The following CPNE8 variants were observed in gnomAD, a reference collection of about 807,000 sequenced individuals.
CPNE8 encodes copine 8, also known as copine-8.
CPNE8 carries 45 observed loss-of-function variants against 81.5 expected under a neutral mutation model. The ratio of observed to expected loss-of-function variants is 0.55; its 90% confidence interval spans 0.44 to 0.71. The LOEUF is 0.71. Ranked by LOEUF, CPNE8 falls within the 30% of genes least tolerant of loss-of-function variation. The probability of loss-of-function intolerance (pLI) is 0.00; values close to 1 mark genes in which losing one functional copy is unlikely to be tolerated. For synonymous variants in CPNE8, 252 were observed against 226.3 expected (o/e 1.11, Z -1.02); for missense variants, 594 against 672.1 (o/e 0.88, Z 1.28).
chr12:38,690,023 G>A (rs1252986781), intron 15 of CPNE8, among the ~76,000 whole-genome samples: 6 of 152,112 alleles, frequency 3.9e-5, no homozygotes, highest in Non-Finnish European at 5.9e-5. Flanking sequence ...CTTTTCAAAC[G>A]AGCAAAGCTT....
At chr12:38,864,481 A>G (rs1943887759) in intron 3 of CPNE8, among the ~76,000 whole-genome samples, 1 of 152,124 alleles carries the variant, frequency 6.6e-6, no homozygotes, top group Non-Finnish European at 1.5e-5. Context: ...AAAAAAAACT[A>G]CAAAGCTCAT....
intron 6 of CPNE8, among the ~76,000 whole-genome samples, chr12:38,800,505 G>A (rs1267486538): frequency 3.7e-5 from 1 of 26,696 alleles, no homozygotes; most frequent in Non-Finnish European, 1.3e-4. Context: ...AAACCCATCT[G>A]TACATCACCA....
intron 8 of CPNE8, among the ~76,000 whole-genome samples, chr12:38,766,843 CTT>C (rs1941701784): frequency 2.6e-5 from 4 of 152,086 alleles, no homozygotes; most frequent in East Asian, 3.9e-4. Context: ...GTTGGACAAA[CTT>C]AGTAATTTTT....
At chr12:38,904,221 G>A (rs1944529845) in intron 1 of CPNE8, among the ~76,000 whole-genome samples, 1 of 152,132 alleles carries the variant, frequency 6.6e-6, no homozygotes, top group Admixed American at 6.5e-5. Flanking sequence ...GGCAAAAATG[G>A]ATAAATGAGG....
At chr12:38,730,614 G>C (rs1273263977) in intron 10 of CPNE8, among the ~76,000 whole-genome samples, 6 of 151,256 alleles carry the variant, frequency 4.0e-5, no homozygotes, top group African/African-American at 1.2e-4. Flanking sequence ...TTTCAAACAG[G>C]TATACTAGTT....
Position 38,724,516 on chromosome 12 carries a change from C to T in CPNE8, c.852+330G>A, listed in dbSNP as rs187965408. Among the ~76,000 whole-genome samples, 221 of 152,236 alleles carry T rather than the reference C, an allele frequency of 1.5e-3. 1 individual carries two copies. The highest frequency in any genetic ancestry group is 5.1e-3 in the African/African-American group (210 of 41,564). On this transcript the variant is annotated intron_variant, in intron 12 of 19. Transcript: ENST00000331366. ...CCTATAAAGAGTATAGTATTTCTTA[C>T]TACCACTTGTGTTTTTTACATCTGC...
intron 14 of CPNE8, among the ~76,000 whole-genome samples, chr12:38,702,206 C>T (rs1338653502): frequency 2.0e-5 from 3 of 152,074 alleles, no homozygotes; most frequent in Admixed American, 6.5e-5. Context: ...ATGAAGTTAA[C>T]ATTCTGATGA....
At chr12:38,855,431 A>C (rs1943714948) in intron 3 of CPNE8, among the ~76,000 whole-genome samples, 2 of 152,152 alleles carry the variant, frequency 1.3e-5, no homozygotes, top group African/African-American at 4.8e-5. Context: ...CTTGACAAAA[A>C]AGAACAAAGC....
chr12:38,656,436 A>G (rs972299398), intron 19 of CPNE8, among the ~76,000 whole-genome samples: 2 of 151,086 alleles, frequency 1.3e-5, no homozygotes, highest in Admixed American at 1.3e-4. Context: ...TGGAAAGGGG[A>G]GATCTCCCCT....
At chr12:38,765,945 G>A (rs1241273286) in intron 8 of CPNE8, among the ~76,000 whole-genome samples, 5 of 151,228 alleles carry the variant, frequency 3.3e-5, no homozygotes, top group Middle Eastern at 3.4e-3. Flanking sequence ...TGCAACCTCC[G>A]CCTCCCAGGT....
intron 5 of CPNE8, among the ~76,000 whole-genome samples, chr12:38,830,232 A>G (rs1943262820): frequency 6.6e-6 from 1 of 152,286 alleles, no homozygotes; most frequent in East Asian, 1.9e-4. Flanking sequence ...TTGCATGCCT[A>G]TATCAAAACA....
chr12:38,748,903 TA>T (rs1236460822), intron 10 of CPNE8, among the ~76,000 whole-genome samples: 2 of 152,236 alleles, frequency 1.3e-5, no homozygotes, highest in Non-Finnish European at 2.9e-5. Context: ...CAGTTTCATT[TA>T]AAAAGTTATT....
At chr12:38,857,033 T>C (rs1404431118) in intron 3 of CPNE8, among the ~76,000 whole-genome samples, 5 of 152,106 alleles carry the variant, frequency 3.3e-5, no homozygotes, top group Non-Finnish European at 7.4e-5. Flanking sequence ...TAAATTATGA[T>C]AATAGAGATG....
intron 13 of CPNE8, among the ~76,000 whole-genome samples, chr12:38,705,694 G>C (rs1940089246): frequency 6.6e-6 from 1 of 152,116 alleles, no homozygotes; most frequent in South Asian, 2.1e-4. Flanking sequence ...GGTAGGGAGA[G>C]AAATGACTGT....
At chr12:38,808,257 A>G (rs1050295934) in intron 6 of CPNE8, among the ~76,000 whole-genome samples, 3 of 152,138 alleles carry the variant, frequency 2.0e-5, no homozygotes, top group Non-Finnish European at 4.4e-5. Context: ...TACTGGTTAT[A>G]TACCCAAACG....
At position 38,653,252 on chromosome 12, in the gene CPNE8, C is replaced by G. The variant is rs1268961678; in HGVS notation, c.*630G>C. 6.6e-6 allele frequency: 1 copy of G among 152,524 alleles called. No individual in the cohort carries two copies. Among genetic ancestry groups the G allele is most frequent in the South Asian group, 2.1e-4 (1 of 4,822 alleles). 9.4% of individuals were successfully genotyped at this position (152,524 alleles called of 1,614,324 possible). ...ATCTGCCGGGCTTAAACTCCCATAC[C>G]CAGCAAACATTGCTGAGAAATTGTT... On this transcript the variant is annotated 3_prime_UTR_variant, in exon 20 of 20. Transcript: ENST00000331366.
chr12:38,722,761 C>T (rs1940597860), intron 13 of CPNE8, among the ~76,000 whole-genome samples: 3 of 152,142 alleles, frequency 2.0e-5, no homozygotes, highest in South Asian at 4.1e-4. Flanking sequence ...TATGGTCTGG[C>T]TCTGTGTCCT....
chr12:38,778,976 C>T (rs1941991001), intron 6 of CPNE8, among the ~76,000 whole-genome samples: 1 of 152,120 alleles, frequency 6.6e-6, no homozygotes, highest in Non-Finnish European at 1.5e-5. Context: ...TAGCATGGCA[C>T]ATTTTGTCTT....
intron 10 of CPNE8, among the ~76,000 whole-genome samples, chr12:38,739,663 CT>C (rs1941043841): frequency 1.3e-5 from 2 of 152,082 alleles, no homozygotes; most frequent in African/African-American, 4.8e-5. Context: ...CATAAAATAC[CT>C]TTTCCTATTC....
Sources: allele counts gnomAD v4.1 joint callset (sites outside exome capture counted in the v4.1 genomes callset), GRCh38; gene constraint gnomAD v4.1.1; transcripts MANE v1.5; gene names NCBI Gene and HGNC (gene_info 2026-07-23, HGNC 2026-07-21).